ASTN2: variants seen among roughly 807,000 people sequenced by gnomAD.
The protein encoded by ASTN2 is astrotactin-2.
Under a neutral mutation model 139.8 loss-of-function variants are expected in ASTN2, and 54 were observed. The ratio of observed to expected loss-of-function variants is 0.39; its 90% CI spans 0.31 to 0.48. The LOEUF is 0.48. Among genes scored for constraint, ASTN2 ranks in the 20% least tolerant of loss-of-function variants. The pLI, the probability that ASTN2 is intolerant of heterozygous loss-of-function variation, is 0.95. For synonymous variants in ASTN2, 756 were observed against 719.5 expected, an observed-to-expected ratio of 1.05 and a Z score of -0.81; for missense variants, 1,565 against 1,725.1, an observed-to-expected ratio of 0.91 and a Z score of 1.64.
At chr9:117,225,538 T>C (rs960876298) in intron 2 of ASTN2, among the ~76,000 whole-genome samples, 6 of 19,518 alleles carry the variant, frequency 3.1e-4, no homozygotes, top group Non-Finnish European at 5.1e-4. Context: ...GCTGTATGTA[T>C]ATATATATAT....
At chr9:117,325,092 C>A (rs1176314911) in intron 1 of ASTN2, among the ~76,000 whole-genome samples, 1 of 152,084 alleles carries the variant, frequency 6.6e-6, no homozygotes, top group Non-Finnish European at 1.5e-5. Flanking sequence ...GGGTTGATAA[C>A]AGAGAGTGGA....
chr9:117,206,736 C>G lies in ASTN2; in HGVS notation c.1015+7622G>C, dbSNP rs375939414. Among the ~76,000 whole-genome samples, 70 of 152,268 alleles carry G rather than the reference C, an allele frequency of 4.6e-4. 1 individual carries two copies. In the East Asian group the frequency reaches 9.7e-3, roughly 21 times the overall value. ...ACTTCCAGCCAGAGAAACAGTATAA[C>G]GGTCCCACCCACAGCTATCCTGCCT... On this transcript the variant is annotated intron_variant, in intron 3 of 22. Coordinates refer to ENST00000313400, the MANE Select transcript of ASTN2 (RefSeq NM_001365068.1).
chr9:116,538,561 C>G (rs1196614408), intron 19 of ASTN2, among the ~76,000 whole-genome samples: 2 of 151,728 alleles, frequency 1.3e-5, no homozygotes, highest in African/African-American at 4.8e-5. Flanking sequence ...TAAATTCACT[C>G]AAGTTTTAAG....
intron 1 of ASTN2, among the ~76,000 whole-genome samples, chr9:117,300,688 G>A (rs890804365): frequency 6.6e-6 from 1 of 152,202 alleles, no homozygotes; most frequent in African/African-American, 2.4e-5. Flanking sequence ...AATGCCCACA[G>A]GATAATGCCA....
intron 13 of ASTN2, among the ~76,000 whole-genome samples, chr9:116,789,215 A>G (rs1830463097): frequency 6.6e-6 from 1 of 152,196 alleles, no homozygotes. Flanking sequence ...ACTAGAAAGC[A>G]TCAAAAAGAA....
intron 13 of ASTN2, among the ~76,000 whole-genome samples, chr9:116,791,703 C>T (rs1018445818): frequency 1.3e-5 from 2 of 152,192 alleles, no homozygotes; most frequent in African/African-American, 4.8e-5. Context: ...ACTTTTCTTT[C>T]TGAGCGTTTA....
chr9:116,525,833 C>T (rs1301158010), intron 19 of ASTN2, among the ~76,000 whole-genome samples: 2 of 152,114 alleles, frequency 1.3e-5, no homozygotes, highest in Non-Finnish European at 2.9e-5. Flanking sequence ...TCTTTACAGT[C>T]ACCCTAAATA....
In ASTN2 at chr9:117,134,275, TATATATATATATATATATATACAC is replaced by T. The variant is rs1349806557; in HGVS notation, c.1168+7027_1168+7050del. On this transcript the variant is annotated intron_variant, in intron 4 of 22. Coordinates refer to ENST00000313400, the MANE Select transcript of ASTN2 (RefSeq NM_001365068.1). ...CAGTTACTAATGAAAATTATATATA[TATATATATATATATATATATACAC>T]ACACACACACACACACACACACACA... Among the ~76,000 whole-genome samples, 8 of 39,936 alleles carry T rather than the reference TATATATATATATATATATATACAC, an allele frequency of 2.0e-4. No homozygotes were observed. In the East Asian group the frequency reaches 5.4e-3, roughly 27 times the overall value. The allele number at this position is 39,936 out of a possible 152,430, so 26.2% of individuals were successfully genotyped here.
At chr9:116,813,708 T>G (rs1831226649) in intron 12 of ASTN2, among the ~76,000 whole-genome samples, 1 of 152,204 alleles carries the variant, frequency 6.6e-6, no homozygotes, top group Admixed American at 6.5e-5. Context: ...CTAGAAACTT[T>G]TTGAAAATAA....
chr9:116,508,987 T>C (rs985155635), intron 19 of ASTN2, among the ~76,000 whole-genome samples: 25 of 152,152 alleles, frequency 1.6e-4, no homozygotes, highest in African/African-American at 5.6e-4. Context: ...CATACCTCTC[T>C]TTTATCTCTG....
chr9:116,591,785 G>A (rs1854388683), intron 19 of ASTN2, among the ~76,000 whole-genome samples: 1 of 152,134 alleles, frequency 6.6e-6, no homozygotes, highest in African/African-American at 2.4e-5. Flanking sequence ...CTGTGAAGCT[G>A]GTAATTTGTT....
intron 7 of ASTN2, among the ~76,000 whole-genome samples, chr9:116,987,763 A>C (rs1179032892): frequency 6.6e-6 from 1 of 152,220 alleles, no homozygotes; most frequent in Non-Finnish European, 1.5e-5. Flanking sequence ...ACAAAATAGA[A>C]CAAGCATAAC....
chr9:117,047,984 A>G (rs1838794064), intron 5 of ASTN2, among the ~76,000 whole-genome samples: 1 of 152,178 alleles, frequency 6.6e-6, no homozygotes, highest in African/African-American at 2.4e-5. Flanking sequence ...TATTGTTTCT[A>G]CTATCACTCA....
chr9:116,797,986 T>G (rs988658183), intron 13 of ASTN2, among the ~76,000 whole-genome samples: 4 of 152,066 alleles, frequency 2.6e-5, no homozygotes, highest in African/African-American at 9.7e-5. Context: ...AAGGGGAGAG[T>G]TTAGCCAGGT....
At chr9:116,729,733 G>A in intron 14 of ASTN2, among the ~76,000 whole-genome samples, 1 of 152,316 alleles carries the variant, frequency 6.6e-6, no homozygotes, top group East Asian at 1.9e-4. Flanking sequence ...TAAGTATTAT[G>A]TAAAATATAC....
Position 117,414,779 on chromosome 9 carries a change from C to A in ASTN2, c.160G>T (p.Ala54Ser). 1 of 1,258,280 alleles carries A rather than the reference C, an allele frequency of 7.9e-7. No individual in the cohort carries two copies. The highest frequency in any genetic ancestry group is 2.3e-5 in the South Asian group (1 of 42,922). 77.9% of individuals were successfully genotyped at this position (1,258,280 alleles called of 1,614,324 possible). A position where few individuals can be genotyped will look rare whatever the true frequency, so the allele number is the denominator to read the frequency against. Residue 54 changes from alanine to serine, a missense_variant, in exon 1 of 23, where the codon GCT becomes TCT. Ala to Ser is a moderately conservative substitution (Grantham distance 99). Transcript: ENST00000313400. This position sits in a 1 kb window ranked among gnomAD's most constrained non-coding sequence, Gnocchi z 4.2. Reference sequence around the variant, plus strand: ...GGGCTGTCGGGCTCCCGCGAGGCAGCGGCGGTGGCGCCGGCCAGCAGCGGC... The same window carrying A: ...GGGCTGTCGGGCTCCCGCGAGGCAGAGGCGGTGGCGCCGGCCAGCAGCGGC... ...PPPLLAGATAAASREPDSPCR... is the reference protein window; with the variant it reads ...PPPLLAGATASASREPDSPCR...
In ASTN2 at chr9:116,831,900, C is replaced by T. The variant is rs114597004; in HGVS notation, c.2041-11117G>A. On this transcript the variant is annotated intron_variant, in intron 11 of 22. Coordinates refer to ENST00000313400, the MANE Select transcript of ASTN2 (RefSeq NM_001365068.1). Reference sequence around the variant, plus strand: ...TCTTGTGCTATCCAATTCGTGAATACGTATATCTTTCCTTGTGATTAGATC... The same window carrying T: ...TCTTGTGCTATCCAATTCGTGAATATGTATATCTTTCCTTGTGATTAGATC... Among the ~76,000 whole-genome samples the T allele has an allele frequency of 3.1e-3, 477 of 152,190 alleles. 5 individuals carry two copies. The highest frequency in any genetic ancestry group is 0.011 in the African/African-American group (453 of 41,554).
At chr9:116,562,556 G>A (rs1408302969) in intron 19 of ASTN2, among the ~76,000 whole-genome samples, 1 of 151,542 alleles carries the variant, frequency 6.6e-6, no homozygotes, top group African/African-American at 2.4e-5. Flanking sequence ...GGCCAACATG[G>A]CGAAACCCCA....
chr9:117,189,450 C>T (rs1464445740), intron 3 of ASTN2, among the ~76,000 whole-genome samples: 1 of 152,128 alleles, frequency 6.6e-6, no homozygotes, highest in South Asian at 2.1e-4. Context: ...ACGCTGCATC[C>T]CCCATACACC....
Sources: allele counts gnomAD v4.1 joint callset (sites outside exome capture counted in the v4.1 genomes callset), GRCh38; gene constraint gnomAD v4.1.1; non-coding constraint Gnocchi (gnomAD v3.1); transcripts MANE v1.5; gene names NCBI Gene and HGNC (gene_info 2026-07-23, HGNC 2026-07-21).